MROH7: variants seen among roughly 807,000 people sequenced by gnomAD.
The protein encoded by MROH7 is maestro heat like repeat family member 7.
A neutral mutation model predicts 129.2 loss-of-function variants in MROH7; 113 were observed. The ratio of observed to expected loss-of-function variants is 0.87; its 90% CI spans 0.75 to 1.02. The LOEUF is 1.02. Ranked by LOEUF, MROH7 falls within the 50% of genes least tolerant of loss-of-function variation. MROH7 has a pLI of 0.00. For synonymous variants in MROH7, 655 were observed against 667.9 expected, an observed-to-expected ratio of 0.98 and a Z score of 0.30; for missense variants, 1,601 against 1,671.3, an observed-to-expected ratio of 0.96 and a Z score of 0.73.
chr1:54,643,979 T>C (rs920005931), intron 1 of MROH7, among the ~76,000 whole-genome samples: 1 of 151,790 alleles, frequency 6.6e-6, no homozygotes, highest in East Asian at 1.9e-4. Flanking sequence ...GCTTTTAAGA[T>C]TTTTTTTTAA....
intron 1 of MROH7, among the ~76,000 whole-genome samples, chr1:54,649,334 GC>G (rs1342935372): frequency 6.6e-6 from 1 of 152,260 alleles, no homozygotes; most frequent in African/African-American, 2.4e-5. Context: ...GGATTGCAGG[GC>G]AAAGGCCAAC....
At chr1:54,709,700 A>C (rs1196899941) in intron 23 of MROH7, among the ~76,000 whole-genome samples, 1 of 152,124 alleles carries the variant, frequency 6.6e-6, no homozygotes, top group African/African-American at 2.4e-5. Context: ...CTCACTTTGT[A>C]ACCAAGGAAT....
intron 15 of MROH7, among the ~76,000 whole-genome samples, chr1:54,691,886 C>A (rs1202066961): frequency 1.4e-5 from 2 of 145,590 alleles, no homozygotes; most frequent in East Asian, 2.0e-4. Flanking sequence ...TCCTCCCCCC[C>A]ACCCCCCATG....
rs1553176968 is a variant in MROH7, at chr1:54,699,161, T to TC, written c.2965-1160_2965-1159insC. The TC allele has an allele frequency of 3.2e-3, 359 of 113,518 alleles. 18 individuals are homozygous for TC. The highest frequency in any genetic ancestry group is 0.012 in the African/African-American group (340 of 27,978). The allele number at this position is 113,518 out of a possible 1,614,324, so 7.0% of individuals were successfully genotyped here. A position where few individuals can be genotyped will look rare whatever the true frequency, so the allele number is the denominator to read the frequency against. On this transcript the variant is annotated intron_variant, in intron 17 of 23. Transcript: ENST00000421030. ...TTCTTTCTTTCTTTCTTTCTTTCTT[T>TC]TCTTTCTTTCTTTCTTTCTTTCTTT...
intron 15 of MROH7, among the ~76,000 whole-genome samples, chr1:54,688,451 A>G (rs1358615423): frequency 6.6e-6 from 1 of 152,034 alleles, no homozygotes; most frequent in Non-Finnish European, 1.5e-5. Flanking sequence ...TGTGCCTAAC[A>G]CTTTCTGTGT....
intron 15 of MROH7, among the ~76,000 whole-genome samples, chr1:54,690,664 C>T (rs561603647): frequency 6.6e-6 from 1 of 152,208 alleles, no homozygotes; most frequent in South Asian, 2.1e-4. Context: ...AGGATGGTCT[C>T]GATCTCCTGA....
intron 3 of MROH7, among the ~76,000 whole-genome samples, chr1:54,656,057 C>T (rs1644639464): frequency 1.3e-5 from 2 of 151,464 alleles, no homozygotes; most frequent in South Asian, 4.2e-4. Context: ...TCATGCCTGG[C>T]TAATTTTTGT....
intron 7 of MROH7, among the ~76,000 whole-genome samples, chr1:54,672,613 T>C (rs1644919091): frequency 6.6e-6 from 1 of 152,120 alleles, no homozygotes; most frequent in Non-Finnish European, 1.5e-5. Context: ...TCCCCGGAGA[T>C]GATGAAAGTA....
At chr1:54,645,871 T>TTGAACTCCTGAGCTCAAA (rs1307760576) in intron 1 of MROH7, among the ~76,000 whole-genome samples, 5 of 152,098 alleles carry the variant, frequency 3.3e-5, no homozygotes, top group Non-Finnish European at 7.4e-5. Flanking sequence ...CAGGCTGGTC[T>TTGAACTCCTGAGCTCAAA]TGAACTCCTG....
rs1432459589 is a variant in MROH7 at position 54,703,057 on chromosome 1, C to T, written c.3564+312C>T. Reference sequence around the variant, plus strand: ...GAGCCCCCAAGCAGAAACCTAGAATCCTCTTGGGCTCCTTCATCTCCCTCA... The same window carrying T: ...GAGCCCCCAAGCAGAAACCTAGAATTCTCTTGGGCTCCTTCATCTCCCTCA... On this transcript the variant is annotated intron_variant, in intron 21 of 23. Transcript: ENST00000421030. This position sits in a 1 kb window ranked among gnomAD's most constrained non-coding sequence, Gnocchi z 4.4. Among the ~76,000 whole-genome samples, 1 of 152,080 alleles carries T rather than the reference C, an allele frequency of 6.6e-6. No homozygotes were observed. Among genetic ancestry groups the T allele is most frequent in the Admixed American group, 6.5e-5 (1 of 15,268 alleles).
intron 22 of MROH7, 145 bp downstream of exon 22, chr1:54,706,682 AAGTT>A (rs1645539990): frequency 9.5e-6 from 6 of 633,458 alleles, no homozygotes; most frequent in Non-Finnish European, 1.4e-5. Context: ...GCCATGGTGA[AAGTT>A]AGAATGGTTT....
intron 3 of MROH7, among the ~76,000 whole-genome samples, chr1:54,654,753 A>G (rs757361992): frequency 3.9e-5 from 6 of 152,136 alleles, no homozygotes; most frequent in Admixed American, 6.5e-5. Context: ...TATCCCTTCC[A>G]TTCAAAATGT....
chr1:54,681,420 A>C (rs1419587697), intron 13 of MROH7, among the ~76,000 whole-genome samples: 1 of 152,210 alleles, frequency 6.6e-6, no homozygotes, highest in East Asian at 1.9e-4. Flanking sequence ...GGGTCACTGC[A>C]TCCTGGGAAG....
At position 54,665,154 on chromosome 1, in the gene MROH7, T is replaced by C; in HGVS notation, c.1232-13T>C. ...AGCTTTATCCACCTTCTCATTGAAA[T>C]CGTGCCCTGCAGGAGCCTTTGATGA... On this transcript the variant is annotated splice_polypyrimidine_tract_variant and intron_variant, in intron 3 of 23. Coordinates refer to ENST00000421030, the MANE Select transcript of MROH7 (RefSeq NM_001039464.4). 6.2e-7 allele frequency: 1 copy of C among 1,611,392 alleles called. No individual in the cohort carries two copies. Among genetic ancestry groups the C allele is most frequent in the Non-Finnish European group, 8.5e-7 (1 of 1,177,780 alleles).
chr1:54,706,447 C>T lies in MROH7; in HGVS notation c.3577C>T (p.Arg1193Ter), dbSNP rs368624796. Residue 1193 changes from arginine to a stop codon, truncating the protein, a stop_gained, in exon 22 of 24, where the codon CGA becomes TGA. Transcript: ENST00000421030. LOFTEE classifies it high-confidence loss of function. ...KICKCLVNTH[R>*]DSAFIFLSQS... ...CTCTTTGTCCTAGGTGAACACCCACCGAGACAGCGCCTTCATATTCCTCAG... is the reference window on the plus strand; with the variant it reads ...CTCTTTGTCCTAGGTGAACACCCACTGAGACAGCGCCTTCATATTCCTCAG... 7.3e-5 allele frequency: 117 copies of T among 1,613,476 alleles called. No homozygotes were observed. The African/African-American group carries it at 7.6e-4, about 10-fold the overall frequency.
intron 21 of MROH7, among the ~76,000 whole-genome samples, chr1:54,704,276 C>G (rs997513340): frequency 7.2e-5 from 11 of 152,056 alleles, no homozygotes; most frequent in African/African-American, 2.7e-4. Flanking sequence ...GGCCAGTGAC[C>G]AGGCAGATAA....
intron 1 of MROH7, among the ~76,000 whole-genome samples, chr1:54,644,965 A>G (rs1266051036): frequency 1.3e-5 from 2 of 151,980 alleles, no homozygotes; most frequent in South Asian, 4.2e-4. Flanking sequence ...ACCTGTCACC[A>G]TACCTGGCTA....
chr1:54,697,695 G>A (rs568904994), intron 17 of MROH7: 1 of 703,286 alleles, frequency 1.4e-6, no homozygotes. Context: ...GCTTAGGTGA[G>A]TTAAGGGGAA....
intron 3 of MROH7, among the ~76,000 whole-genome samples, chr1:54,660,434 A>G (rs1644714046): frequency 6.6e-6 from 1 of 152,214 alleles, no homozygotes; most frequent in African/African-American, 2.4e-5. Flanking sequence ...AACCACAGCA[A>G]TGACTGAATT....
Sources: gnomAD v4.1 joint callset for allele counts (sites outside exome capture counted in the v4.1 genomes callset) on GRCh38, gnomAD v4.1.1 for gene constraint, Gnocchi (gnomAD v3.1) non-coding constraint, MANE v1.5 for transcripts, NCBI Gene and HGNC (gene_info 2026-07-23, HGNC 2026-07-21) for gene names.